XAGE2: variants seen among roughly 807,000 people sequenced by gnomAD.
XAGE2 encodes the protein X antigen family member 2, also known as G antigen family D member 3.
A neutral mutation model predicts 9.9 loss-of-function variants in XAGE2; 7 were observed. The ratio of observed to expected loss-of-function variants is 0.71; its 90% CI spans 0.40 to 1.32. The LOEUF is 1.32. Ranked by LOEUF, XAGE2 falls within the 40% of genes most tolerant of loss-of-function variation. The probability of loss-of-function intolerance (pLI) is 0.01; values close to 1 mark genes in which losing one functional copy is unlikely to be tolerated. For missense variants in XAGE2, 85 were observed against 81.0 expected, an observed-to-expected ratio of 1.05 and a Z score of -0.19; for synonymous variants, 31 against 26.8, an observed-to-expected ratio of 1.16 and a Z score of -0.48.
In XAGE2 at chrX:52,372,299, G is replaced by T. The variant is rs1008518005; in HGVS notation, c.188-245G>T. ...AACTTGAGCTCAGGAGGTCAGGGCTGCAGTCACCTGTGACTGCACCCCTGT... is the reference window on the plus strand; with the variant it reads ...AACTTGAGCTCAGGAGGTCAGGGCTTCAGTCACCTGTGACTGCACCCCTGT... On this transcript the variant is annotated intron_variant, in intron 3 of 4. Transcript: ENST00000286049. 2.7e-5 allele frequency among the ~76,000 whole-genome samples: 3 copies of T among 110,485 alleles called. 1 individual carries two copies. In the South Asian group the frequency reaches 1.2e-3, roughly 43 times the overall value.
Position 52,372,503 on chromosome X carries a change from A to G in XAGE2, c.188-41A>G, listed in dbSNP as rs917896139. 1.8e-4 allele frequency: 216 copies of G among 1,203,788 alleles called. No homozygotes were observed. In the South Asian group the frequency reaches 2.7e-3, roughly 15 times the overall value. The stretch of plus-strand genomic sequence containing the variant: ...ATTATTACTTCCTTATTTATACTTC[A>G]TGTTTTTGTACTCAAGTTCAATAAC... On this transcript the variant is annotated intron_variant, in intron 3 of 4. Coordinates refer to ENST00000286049, the MANE Select transcript of XAGE2 (RefSeq NM_130777.3).
chrX:52,375,104 A>G (rs1259434149), intron 4 of XAGE2, among the ~76,000 whole-genome samples: 2 of 112,108 alleles, frequency 1.8e-5, no homozygotes, highest in Non-Finnish European at 3.8e-5. Flanking sequence ...CTTTTCTTAA[A>G]AGATAGTTTT....
chrX:52,373,513 C>G (rs1261208935), intron 4 of XAGE2, among the ~76,000 whole-genome samples: 4 of 111,221 alleles, frequency 3.6e-5, no homozygotes, highest in Non-Finnish European at 5.7e-5. Flanking sequence ...GTGTAAGATG[C>G]CTGTGCTAAG....
chrX:52,370,192 T>C, intron 2 of XAGE2, 97 bp downstream of exon 2: 1 of 889,016 alleles, frequency 1.1e-6, no homozygotes, highest in Non-Finnish European at 1.6e-6. Context: ...AGGTCTTCCA[T>C]GTTGATAAAA....
At chrX:52,371,265 G>A (rs1921184468) in intron 3 of XAGE2, among the ~76,000 whole-genome samples, 1 of 112,039 alleles carries the variant, frequency 8.9e-6, no homozygotes, top group African/African-American at 3.2e-5. Flanking sequence ...TGCTTAAAAC[G>A]CTTAATACTC....
At position 52,369,087 on chromosome X, in the gene XAGE2, T is replaced by G. The variant is rs1196500033; in HGVS notation, c.-136T>G. The G allele has an allele frequency of 5.4e-5, 6 of 111,528 alleles. No individual in the cohort carries two copies. Among genetic ancestry groups the G allele is most frequent in the African/African-American group, 2.0e-4 (6 of 30,559 alleles). 9.2% of individuals were successfully genotyped at this position (111,528 alleles called of 1,213,427 possible). ...CACTGGGCATCTTCCCTTCGACCCC[T>G]TTGCCCACGTGGTGACCGCTGGGGA... is the stretch of plus-strand genomic sequence containing the variant. On this transcript the variant is annotated 5_prime_UTR_variant, in exon 1 of 5. Coordinates refer to ENST00000286049, the MANE Select transcript of XAGE2 (RefSeq NM_130777.3).
In XAGE2 at chrX:52,370,088, C is replaced by T; in HGVS notation, c.74C>T (p.Ala25Val). Residue 25 changes from alanine to valine, a missense_variant, in exon 2 of 5, where the codon GCT becomes GTT. Transcript: ENST00000286049. ...TTACAGCCTCCTGAGCTGATTGGGG[C>T]TATGCTTGTGAGTGCTTTAATATTT... is the stretch of plus-strand genomic sequence containing the variant. Reference protein sequence around the residue: ...RSLQPPELIGAMLEPTDEEPK... With the variant: ...RSLQPPELIGVMLEPTDEEPK... 1 of 1,211,018 alleles carries T rather than the reference C, an allele frequency of 8.3e-7. No homozygotes were observed. The highest frequency in any genetic ancestry group is 1.1e-6 in the Non-Finnish European group (1 of 894,850).
At chrX:52,370,530 T>C (rs1921163268) in intron 2 of XAGE2, 37 bp from the exon 3 acceptor site, 1 of 1,153,544 alleles carries the variant, frequency 8.7e-7, no homozygotes, top group Non-Finnish European at 1.2e-6. Flanking sequence ...TAACAAAACT[T>C]TTTATCTGCA....
chrX:52,372,560 C>T lies in XAGE2; in HGVS notation c.204C>T (p.Ala68=), dbSNP rs936745554. Residue 68 remains alanine, a synonymous_variant, in exon 4 of 5, where the codon GCC becomes GCT. Coordinates refer to ENST00000286049, the MANE Select transcript of XAGE2 (RefSeq NM_130777.3). The part of the protein sequence containing the change: ...AAEIQVPDLE[A]DLQELCQTKT... ...ATTTTTTAGTGCCTGACCTGGAAGC[C>T]GATCTCCAGGAGCTATGTCAGACAA... 1.7e-6 allele frequency: 2 copies of T among 1,210,811 alleles called. No homozygotes were observed. The highest frequency in any genetic ancestry group is 1.1e-6 in the Non-Finnish European group (1 of 895,069).
chrX:52,369,714 T>A (rs1424300619), intron 1 of XAGE2, among the ~76,000 whole-genome samples: 1 of 112,249 alleles, frequency 8.9e-6, no homozygotes, highest in Admixed American at 9.4e-5. Context: ...TCTAGCTGTA[T>A]AAACTTAAAT....
chrX:52,374,889 T>A (rs1921277113), intron 4 of XAGE2, among the ~76,000 whole-genome samples: 1 of 111,660 alleles, frequency 9.0e-6, no homozygotes, highest in African/African-American at 3.3e-5. Context: ...GGGGAATTTT[T>A]TCAAGTGTAA....
Position 52,369,131 on chromosome X carries a change from G to T in XAGE2, c.-92G>T. On this transcript the variant is annotated 5_prime_UTR_variant, in exon 1 of 5. Coordinates refer to ENST00000286049, the MANE Select transcript of XAGE2 (RefSeq NM_130777.3). ...CTGGGGAGCTGTGAGAGTGTGAGGGGCACGTTCCAGCCGTCTGGACTCTTT... is the reference window on the plus strand; with the variant it reads ...CTGGGGAGCTGTGAGAGTGTGAGGGTCACGTTCCAGCCGTCTGGACTCTTT... 8.9e-6 allele frequency: 1 copy of T among 112,975 alleles called. No homozygotes were observed. Among genetic ancestry groups the T allele is most frequent in the Non-Finnish European group, 1.9e-5 (1 of 53,337 alleles). The allele number at this position is 112,975 out of a possible 1,213,427, so 9.3% of individuals were successfully genotyped here.
chrX:52,370,675 G>T lies in XAGE2; in HGVS notation c.187+3G>T, dbSNP rs978471099. 7.5e-6 allele frequency: 9 copies of T among 1,205,557 alleles called. No individual in the cohort carries two copies. The African/African-American group carries it at 1.2e-4, about 17-fold the overall frequency. The stretch of plus-strand genomic sequence containing the variant: ...TCAGGGTGCAGCTGAGATTCAAGGT[G>T]CTGGGAAAGGAAAGAAATAATGCCT... On this transcript the variant is annotated splice_donor_region_variant and intron_variant, in intron 3 of 4. Transcript: ENST00000286049.
In XAGE2 at chrX:52,375,641, C is replaced by A; in HGVS notation, c.*50C>A. 2.9e-6 allele frequency: 3 copies of A among 1,042,013 alleles called. No individual in the cohort carries two copies. Among genetic ancestry groups the A allele is most frequent in the Non-Finnish European group, 4.0e-6 (3 of 756,564 alleles). 85.9% of individuals were successfully genotyped at this position (1,042,013 alleles called of 1,213,427 possible). A position where few individuals can be genotyped will look rare whatever the true frequency, so the allele number is the denominator to read the frequency against. On this transcript the variant is annotated 3_prime_UTR_variant, in exon 5 of 5. Transcript: ENST00000286049. ...AACTGTTTTTATATTAGATATTTTACTTTAAAATATCTTAATAAAGTTTTA... is the reference window on the plus strand; with the variant it reads ...AACTGTTTTTATATTAGATATTTTAATTTAAAATATCTTAATAAAGTTTTA...
chrX:52,370,024 C>A lies in XAGE2; in HGVS notation c.10C>A (p.Arg4=). Residue 4 remains arginine, a synonymous_variant, in exon 2 of 5, where the codon CGA becomes AGA. Transcript: ENST00000286049. MSW[R]GRSTYRPRPR... is the part of the protein sequence containing the mutation. ...GTTTGCAGAGTGAAATATGAGTTGG[C>A]GAGGAAGATCAACATATAGGCCTAG... The A allele has an allele frequency of 2.5e-6, 3 of 1,211,598 alleles. No homozygotes were observed. The highest frequency in any genetic ancestry group is 1.8e-5 in the South Asian group (1 of 57,034).
intron 4 of XAGE2, 110 bp from the exon 5 acceptor site, chrX:52,375,459 T>C: frequency 1.3e-6 from 1 of 770,604 alleles, no homozygotes; most frequent in Non-Finnish European, 1.9e-6. Flanking sequence ...CTTGGGTTTA[T>C]GGTCTTAGTC....
At chrX:52,371,228 T>C (rs1921183401) in intron 3 of XAGE2, among the ~76,000 whole-genome samples, 1 of 112,390 alleles carries the variant, frequency 8.9e-6, no homozygotes, top group Non-Finnish European at 1.9e-5. Flanking sequence ...TCCTAACATC[T>C]ACGTTATTAG....
chrX:52,369,991 A>G lies in XAGE2; in HGVS notation c.-8-16A>G. 1.7e-6 allele frequency: 2 copies of G among 1,205,178 alleles called. No homozygotes were observed. The highest frequency in any genetic ancestry group is 2.2e-6 in the Non-Finnish European group (2 of 889,018). On this transcript the variant is annotated splice_polypyrimidine_tract_variant and intron_variant, in intron 1 of 4. Transcript: ENST00000286049. ...CTCTCAAACACACTTTCCCAATCAC[A>G]GTATTCTGTTTGCAGAGTGAAATAT... is the stretch of plus-strand genomic sequence containing the variant.
intron 2 of XAGE2, 82 bp downstream of exon 2, chrX:52,370,177 G>T: frequency 1.1e-6 from 1 of 930,797 alleles, no homozygotes; most frequent in Non-Finnish European, 1.5e-6. Flanking sequence ...TAGATACACT[G>T]ATAAAGGTCT....
Sources: allele counts gnomAD v4.1 joint callset (sites outside exome capture counted in the v4.1 genomes callset), GRCh38; gene constraint gnomAD v4.1.1; transcripts MANE v1.5; gene names NCBI Gene and HGNC (gene_info 2026-07-23, HGNC 2026-07-21).